GNPTAB: variants seen among roughly 807,000 people sequenced by gnomAD.
GNPTAB encodes N-acetylglucosamine-1-phosphate transferase subunits alpha and beta, also known as N-acetylglucosamine-1-phosphotransferase subunits alpha/beta.
A neutral mutation model predicts 136.6 loss-of-function variants in GNPTAB; 92 were observed. That is an observed-to-expected ratio of 0.67 (90% CI 0.57 to 0.80). GNPTAB has a LOEUF of 0.80. GNPTAB is among the 30% of genes least tolerant of loss of function. GNPTAB has a pLI of 0.00. For synonymous variants in GNPTAB, 512 were observed against 535.1 expected (o/e 0.96, Z 0.60); for missense variants, 1,343 against 1,501.8 (o/e 0.89, Z 1.75).
chr12:101,752,981 G>A (rs1952842125), intron 19 of GNPTAB, among the ~76,000 whole-genome samples: 1 of 152,176 alleles, frequency 6.6e-6, no homozygotes. Context: ...GGCCGAGCAT[G>A]GTGGCTCACA....
At chr12:101,757,047 A>C in intron 18 of GNPTAB, 165 bp downstream of exon 18, 1 of 577,178 alleles carries the variant, frequency 1.7e-6, no homozygotes, top group East Asian at 2.9e-5. Context: ...GGGGGACCCT[A>C]TCTCAACTTG....
At chr12:101,780,480 C>T (rs1273720511) in intron 6 of GNPTAB, 77 bp downstream of exon 6, 1 of 1,195,194 alleles carries the variant, frequency 8.4e-7, no homozygotes, top group Non-Finnish European at 1.2e-6. Flanking sequence ...AAAAGATTCT[C>T]AAAGAAAAAC....
At chr12:101,821,672 G>T (rs1014470544) in intron 1 of GNPTAB, among the ~76,000 whole-genome samples, 1 of 152,218 alleles carries the variant, frequency 6.6e-6, no homozygotes, top group African/African-American at 2.4e-5. Context: ...AGGGGGAGCA[G>T]TGGAAGTCTG....
In GNPTAB at chr12:101,764,350, T is replaced by C; in HGVS notation, c.2567A>G (p.Glu856Gly). ...TTCCTCCATTCTACTGTTCTCTTTT[T>C]CTTTCCCTGTGATTTTCTTTTCTTT... ...MTKEKKITGK[E>G]KENSRMEENA... The change falls in exon 13 of 21, where the codon GAA becomes GGA. Residue 856 changes from glutamate (E) to glycine (G), a missense_variant. By Grantham distance (98) the Glu-to-Gly change is moderately conservative (BLOSUM62 -2). Coordinates refer to ENST00000299314, the MANE Select transcript of GNPTAB (RefSeq NM_024312.5). The C allele has an allele frequency of 1.2e-6, 2 of 1,614,154 alleles. No homozygotes were observed. Among genetic ancestry groups the C allele is most frequent in the East Asian group, 4.5e-5 (2 of 44,886 alleles).
intron 5 of GNPTAB, among the ~76,000 whole-genome samples, chr12:101,783,331 G>A (rs1868452713): frequency 6.6e-6 from 1 of 152,114 alleles, no homozygotes; most frequent in Non-Finnish European, 1.5e-5. Flanking sequence ...AATCTGAGAA[G>A]AGCAAACTGG....
intron 1 of GNPTAB, among the ~76,000 whole-genome samples, chr12:101,797,611 G>A (rs760320368): frequency 9.9e-5 from 15 of 152,164 alleles, no homozygotes; most frequent in Non-Finnish European, 2.1e-4. Context: ...GCAACAGAGC[G>A]AGACTTCATC....
chr12:101,798,919 C>T (rs970650730), intron 1 of GNPTAB, among the ~76,000 whole-genome samples: 4 of 152,078 alleles, frequency 2.6e-5, no homozygotes, highest in Admixed American at 6.6e-5. Flanking sequence ...GAAGTGCTCC[C>T]AAGAAGCAGA....
At chr12:101,799,002 T>C (rs187219357) in intron 1 of GNPTAB, among the ~76,000 whole-genome samples, 152 of 152,260 alleles carry the variant, frequency 1.0e-3, no homozygotes, top group African/African-American at 3.5e-3. Flanking sequence ...GCAGTGGTGG[T>C]TGCTGGCCAT....
At chr12:101,813,709 T>C (rs961196253) in intron 1 of GNPTAB, among the ~76,000 whole-genome samples, 1 of 152,174 alleles carries the variant, frequency 6.6e-6, no homozygotes, top group Non-Finnish European at 1.5e-5. Context: ...CTAAAAATTA[T>C]TGAGGACTGG....
intron 2 of GNPTAB, 89 bp from the exon 3 acceptor site, chr12:101,790,146 T>G: frequency 1.3e-6 from 2 of 1,571,732 alleles, no homozygotes; most frequent in Non-Finnish European, 1.7e-6. Context: ...ACCCAGAGAT[T>G]ATGAAAAAAA....
chr12:101,790,681 A>G (rs1326998991), intron 2 of GNPTAB, among the ~76,000 whole-genome samples: 1 of 151,460 alleles, frequency 6.6e-6, no homozygotes, highest in Non-Finnish European at 1.5e-5. Context: ...GTGGGACTAC[A>G]GTGAGCTATG....
intron 2 of GNPTAB, among the ~76,000 whole-genome samples, chr12:101,794,796 G>C (rs755057770): frequency 3.3e-5 from 5 of 152,076 alleles, no homozygotes; most frequent in Admixed American, 2.0e-4. Context: ...GCTGGGCATG[G>C]TGACTCATCC....
Position 101,780,283 on chromosome 12 carries a change from T to C in GNPTAB, c.640A>G (p.Thr214Ala). 2.5e-6 allele frequency: 4 copies of C among 1,613,990 alleles called. No individual in the cohort carries two copies. The highest frequency in any genetic ancestry group is 3.4e-6 in the Non-Finnish European group (4 of 1,179,906). Residue 214 changes from threonine (T) to alanine (A), a missense_variant, in exon 7 of 21, where the codon ACA (threonine) becomes GCA (alanine). Transcript: ENST00000299314. ...RQTVWRGYLT[T>A]DKEVPGLVLM... ...ACTAATCCAGGGACTTCTTTATCTG[T>C]TGTCTAAAATAAGGGGAAAAACATA...
rs2137123504 is a variant in GNPTAB at position 101,770,084 on chromosome 12, A to G, written c.1221T>C (p.Asp407=). 1 of 1,614,164 alleles carries G rather than the reference A, an allele frequency of 6.2e-7. No homozygotes were observed. Among genetic ancestry groups the G allele is most frequent in the Non-Finnish European group, 8.5e-7 (1 of 1,180,006 alleles). ...GLSQKFIYLN[D]DVMFGKDVWP... is the part of the protein sequence containing the mutation. The stretch of plus-strand genomic sequence containing the variant: ...AGACATCCTTCCCAAACATGACATC[A>G]TCATTTAGGTAAATAAACTTCTGGG... The change falls in exon 10 of 21, where the codon GAT becomes GAC. Residue 407 remains aspartate, a synonymous_variant. Coordinates refer to ENST00000299314, the MANE Select transcript of GNPTAB (RefSeq NM_024312.5).
intron 2 of GNPTAB, among the ~76,000 whole-genome samples, chr12:101,792,790 T>C (rs990963665): frequency 6.6e-6 from 1 of 152,098 alleles, no homozygotes; most frequent in Non-Finnish European, 1.5e-5. Context: ...AGGGCAGAAA[T>C]GTTATCATGC....
At chr12:101,761,375 T>C in intron 14 of GNPTAB, 29 bp from the exon 15 acceptor site, 1 of 1,595,988 alleles carries the variant, frequency 6.3e-7, no homozygotes. Context: ...TTACAAACTC[T>C]GGATATTCAA....
intron 4 of GNPTAB, 36 bp from the exon 5 acceptor site, chr12:101,786,253 C>A (rs762311871): frequency 2.6e-6 from 4 of 1,529,048 alleles, no homozygotes; most frequent in Non-Finnish European, 9.0e-7. Flanking sequence ...CAATTACATT[C>A]TTGAAATTTA....
At chr12:101,819,420 A>G (rs1384103455) in intron 1 of GNPTAB, among the ~76,000 whole-genome samples, 1 of 152,232 alleles carries the variant, frequency 6.6e-6, no homozygotes, top group Non-Finnish European at 1.5e-5. Context: ...AGCCTGTCAC[A>G]TGAACAACTT....
At chr12:101,811,691 T>C (rs1305890389) in intron 1 of GNPTAB, among the ~76,000 whole-genome samples, 1 of 146,822 alleles carries the variant, frequency 6.8e-6, no homozygotes, top group Non-Finnish European at 1.5e-5. Flanking sequence ...CAGGCTGGAG[T>C]GCAGTGGTGA....
Sources: gnomAD v4.1 joint callset for allele counts (sites outside exome capture counted in the v4.1 genomes callset) on GRCh38, gnomAD v4.1.1 for gene constraint, MANE v1.5 for transcripts, NCBI Gene and HGNC (gene_info 2026-07-23, HGNC 2026-07-21) for gene names.